Variants in PCDHA8 observed in about 807,000 individuals in gnomAD.
PCDHA8 encodes protocadherin alpha-8.
PCDHA8 carries 53 observed loss-of-function variants against 61.8 expected under a neutral mutation model. The observed-to-expected ratio is 0.86, with a 90% CI of 0.69 to 1.08. The LOEUF is 1.08. Among genes scored for constraint, PCDHA8 ranks in the 50% least tolerant of loss-of-function variants. The pLI is 0.00. For missense variants in PCDHA8, 1,293 were observed against 1,245.0 expected (o/e 1.04, Z -0.58); for synonymous variants, 618 against 556.6 (o/e 1.11, Z -1.55).
At chr5:140,875,837 A>T in intron 1 of PCDHA8, 1 of 1,614,140 alleles carries the variant, frequency 6.2e-7, no homozygotes, top group Non-Finnish European at 8.5e-7. Context: ...GTGGACGTGG[A>T]GGTGAAGGAC....
intron 1 of PCDHA8, among the ~76,000 whole-genome samples, chr5:140,844,660 A>G (rs1779489979): frequency 1.3e-5 from 2 of 149,622 alleles, no homozygotes; most frequent in African/African-American, 4.9e-5. Flanking sequence ...TGCAAACCAA[A>G]CATATAATTT....
At chr5:140,976,586 T>C (rs1029704575) in intron 1 of PCDHA8, among the ~76,000 whole-genome samples, 2 of 151,988 alleles carry the variant, frequency 1.3e-5, no homozygotes, top group Non-Finnish European at 2.9e-5. Flanking sequence ...AAACACAGAC[T>C]TTTGTGTTAA....
chr5:140,857,154 C>T (rs147581214), intron 1 of PCDHA8: 7 of 1,598,342 alleles, frequency 4.4e-6, no homozygotes, highest in Non-Finnish European at 6.0e-6. Flanking sequence ...ACCGTCATTG[C>T]CCTAATCAGC....
In PCDHA8 at chr5:141,007,395, CAAAAAAAAA is replaced by C. The variant is rs35800918; in HGVS notation, c.2543-2217_2543-2209del. 1.6e-4 allele frequency among the ~76,000 whole-genome samples: 15 copies of C among 94,844 alleles called. No individual in the cohort carries two copies. The East Asian group carries it at 2.4e-3, about 15-fold the overall frequency. The allele number at this position is 94,844 out of a possible 152,430, so 62.2% of individuals were successfully genotyped here. A position where few individuals can be genotyped will look rare whatever the true frequency, so the allele number is the denominator to read the frequency against. On this transcript the variant is annotated intron_variant, in intron 3 of 3. Transcript: ENST00000531613. The stretch of plus-strand genomic sequence containing the variant: ...ATGGAACACCATCTCTACTAAAATA[CAAAAAAAAA>C]AAAAAAAAAAAAAATTAGCCAGGCA...
At chr5:140,922,565 C>G (rs1334011438) in intron 1 of PCDHA8, among the ~76,000 whole-genome samples, 1 of 152,150 alleles carries the variant, frequency 6.6e-6, no homozygotes, top group Non-Finnish European at 1.5e-5. Context: ...GTCAGGATGA[C>G]AAGTTGCCCT....
chr5:140,896,467 G>A (rs191220082), intron 1 of PCDHA8, among the ~76,000 whole-genome samples: 1,607 of 151,540 alleles, frequency 0.011, 16 homozygotes, highest in African/African-American at 0.028. Context: ...GGTTCAAGCG[G>A]TTCTCCTGCC....
At chr5:141,000,419 ATATTTTTTT>A (rs2097927194) in intron 3 of PCDHA8, among the ~76,000 whole-genome samples, 6 of 60,996 alleles carry the variant, frequency 9.8e-5, no homozygotes, top group Non-Finnish European at 1.1e-4. Flanking sequence ...ATATATATAT[ATATTTTTTT>A]TTTTTTTTTT....
intron 1 of PCDHA8, among the ~76,000 whole-genome samples, chr5:140,973,634 C>T (rs2096596343): frequency 6.6e-6 from 1 of 152,220 alleles, no homozygotes; most frequent in African/African-American, 2.4e-5. Flanking sequence ...ATCTTGTACA[C>T]ATTCTGACTG....
At chr5:140,969,553 G>T in intron 1 of PCDHA8, 1 of 1,229,652 alleles carries the variant, frequency 8.1e-7, no homozygotes, top group Non-Finnish European at 1.1e-6. Flanking sequence ...ATGAAGCCTT[G>T]TCCATAAAAT....
chr5:140,918,633 A>G (rs2078785997), intron 1 of PCDHA8, among the ~76,000 whole-genome samples: 1 of 152,242 alleles, frequency 6.6e-6, no homozygotes, highest in Non-Finnish European at 1.5e-5. Flanking sequence ...CCCCAAATTC[A>G]TAAATTGAAA....
intron 1 of PCDHA8, chr5:140,882,819 A>G: frequency 6.2e-7 from 1 of 1,614,244 alleles, no homozygotes; most frequent in Non-Finnish European, 8.5e-7. Flanking sequence ...GACGCACAAA[A>G]CAGTCTTGAG....
Position 140,843,074 on chromosome 5 carries a change from G to T in PCDHA8, c.1753G>T (p.Val585Leu). Residue 585 changes from valine to leucine, a missense_variant, in exon 1 of 4, where the codon GTG (valine) becomes TTG (leucine). Val to Leu is a conservative substitution (Grantham distance 32). Coordinates refer to ENST00000531613, the MANE Select transcript of PCDHA8 (RefSeq NM_018911.3). ...AGCGAGCAAGCTGGTGCCGCGGTCT[G>T]TGGGCGCGGGCCACGTGGTAGCGAA... is the stretch of plus-strand genomic sequence containing the variant. ...GAASKLVPRS[V>L]GAGHVVAKVR... is the part of the protein sequence containing the mutation. The T allele has an allele frequency of 3.1e-6, 5 of 1,595,392 alleles. 1 individual carries two copies. Among genetic ancestry groups the T allele is most frequent in the Non-Finnish European group, 4.3e-6 (5 of 1,165,320 alleles).
intron 1 of PCDHA8, among the ~76,000 whole-genome samples, chr5:140,922,915 A>G (rs1184691604): frequency 6.6e-6 from 1 of 152,224 alleles, no homozygotes; most frequent in Non-Finnish European, 1.5e-5. Context: ...ATACAAATAA[A>G]CTTCAGACTT....
intron 3 of PCDHA8, among the ~76,000 whole-genome samples, chr5:140,998,010 C>A (rs2097793505): frequency 6.6e-6 from 1 of 152,096 alleles, no homozygotes; most frequent in Admixed American, 6.6e-5. Flanking sequence ...GCCTTCCATC[C>A]CCACCTCGAG....
At chr5:140,931,717 C>G (rs2087694120) in intron 1 of PCDHA8, among the ~76,000 whole-genome samples, 1 of 151,872 alleles carries the variant, frequency 6.6e-6, no homozygotes, top group Admixed American at 6.6e-5. Flanking sequence ...AAAATAACTT[C>G]TATAAATATG....
chr5:140,946,162 A>C (rs2093896348), intron 1 of PCDHA8, among the ~76,000 whole-genome samples: 1 of 152,080 alleles, frequency 6.6e-6, no homozygotes, highest in Non-Finnish European at 1.5e-5. Context: ...GATTTAAAAG[A>C]TGGGTAAAGG....
In PCDHA8 at chr5:140,841,379, C is replaced by A. The variant is rs2150314416; in HGVS notation, c.58C>A (p.Leu20Ile). The A allele has an allele frequency of 9.9e-6, 16 of 1,613,486 alleles. No homozygotes were observed. In the African/African-American group the frequency reaches 2.1e-4, roughly 22 times the overall value. ...CTGGCGACTACTACTCTTGCTTCTG[C>A]TCCTCGCAGCCTGGAAGGTGGGGAG... ...GSWRLLLLLL[L>I]LAAWKVGSGQ... Residue 20 changes from leucine (L) to isoleucine (I), a missense_variant, in exon 1 of 4, where the codon CTC becomes ATC. Coordinates refer to ENST00000531613, the MANE Select transcript of PCDHA8 (RefSeq NM_018911.3).
chr5:140,966,818 C>G (rs1376177382), intron 1 of PCDHA8: 1 of 1,554,298 alleles, frequency 6.4e-7, no homozygotes, highest in Admixed American at 1.9e-5. Context: ...ACGGCTCCGG[C>G]GGCCCATGCC....
chr5:140,999,044 T>TTTC (rs1247197667), intron 3 of PCDHA8, among the ~76,000 whole-genome samples: 1 of 152,342 alleles, frequency 6.6e-6, no homozygotes, highest in East Asian at 1.9e-4. Flanking sequence ...TCCAGTGTGC[T>TTTC]TTCCACCATG....
Sources: allele counts gnomAD v4.1 joint callset (sites outside exome capture counted in the v4.1 genomes callset), GRCh38; gene constraint gnomAD v4.1.1; transcripts MANE v1.5; gene names NCBI Gene and HGNC (gene_info 2026-07-23, HGNC 2026-07-21).